The following PPARGC1A variants were observed in gnomAD, a reference collection of about 807,000 sequenced individuals.
The protein encoded by PPARGC1A is PPARG coactivator 1 alpha.
A neutral mutation model predicts 88.7 loss-of-function variants in PPARGC1A; 25 were observed. The observed-to-expected ratio is 0.28, with a 90% confidence interval of 0.21 to 0.39. The LOEUF (loss-of-function observed/expected upper bound fraction) is 0.39, where lower values mean the gene tolerates loss of function less well. PPARGC1A is among the 10% of genes least tolerant of loss of function. The pLI, the probability that PPARGC1A is intolerant of heterozygous loss-of-function variation, is 1.00. For missense variants in PPARGC1A, 880 were observed against 968.7 expected (o/e 0.91, Z 1.22); for synonymous variants, 363 against 355.6 (o/e 1.02, Z -0.24).
At chr4:23,941,178 C>T in the PPARGC1A span, among the ~76,000 whole-genome samples, 6 of 152,246 alleles carry the variant, frequency 3.9e-5, no homozygotes, top group African/African-American at 1.4e-4. Flanking sequence ...TAGCCTCCCA[C>T]GTAGCTAGGC....
At chr4:24,025,287 T>C in the PPARGC1A span, among the ~76,000 whole-genome samples, 1 of 152,180 alleles carries the variant, frequency 6.6e-6, no homozygotes, top group African/African-American at 2.4e-5. Context: ...CTCTGTGTAC[T>C]TTATTAACAC....
chr4:24,048,406 T>C, the PPARGC1A span, among the ~76,000 whole-genome samples: 4 of 152,200 alleles, frequency 2.6e-5, no homozygotes, highest in Non-Finnish European at 5.9e-5. Context: ...TACTTCTCTT[T>C]CTCATTTTTG....
the PPARGC1A span, among the ~76,000 whole-genome samples, chr4:24,154,042 A>G: frequency 6.6e-5 from 10 of 152,344 alleles, no homozygotes; most frequent in East Asian, 1.9e-3. Context: ...AAAGGAACTC[A>G]CAAACCCAAA....
At chr4:24,329,060 A>G in the PPARGC1A span, among the ~76,000 whole-genome samples, 1 of 152,106 alleles carries the variant, frequency 6.6e-6, no homozygotes, top group African/African-American at 2.4e-5. Context: ...GGAGCAATCT[A>G]GAGATTTCCT....
At chr4:24,325,218 G>A in the PPARGC1A span, among the ~76,000 whole-genome samples, 1 of 151,990 alleles carries the variant, frequency 6.6e-6, no homozygotes, top group African/African-American at 2.4e-5. Context: ...AGGTCAAAAG[G>A]CCATCTTATT....
the PPARGC1A span, among the ~76,000 whole-genome samples, chr4:24,350,563 A>C: frequency 1.3e-5 from 2 of 152,188 alleles, no homozygotes; most frequent in Admixed American, 6.5e-5. Flanking sequence ...TGAACGCATA[A>C]AACTGTGTGA....
the PPARGC1A span, among the ~76,000 whole-genome samples, chr4:24,323,476 T>A: frequency 6.6e-6 from 1 of 152,094 alleles, no homozygotes; most frequent in Non-Finnish European, 1.5e-5. Flanking sequence ...TGAGTTTCCT[T>A]CTCCTGGCTC....
At chr4:24,328,256 C>T in the PPARGC1A span, among the ~76,000 whole-genome samples, 1 of 145,486 alleles carries the variant, frequency 6.9e-6, no homozygotes, top group Non-Finnish European at 1.5e-5. Context: ...TAGCAGCCCC[C>T]CCCCCAATCA....
At chr4:24,268,409 T>G in the PPARGC1A span, among the ~76,000 whole-genome samples, 1 of 152,178 alleles carries the variant, frequency 6.6e-6, no homozygotes, top group African/African-American at 2.4e-5. Context: ...TGCAAATGCA[T>G]GTTGCTGGTC....
the PPARGC1A span, among the ~76,000 whole-genome samples, chr4:24,328,774 G>A: frequency 6.6e-6 from 1 of 152,142 alleles, no homozygotes; most frequent in Non-Finnish European, 1.5e-5. Context: ...GCTTTAAACG[G>A]TCTGATTCTT....
chr4:24,159,177 A>G, the PPARGC1A span, among the ~76,000 whole-genome samples: 2 of 151,532 alleles, frequency 1.3e-5, no homozygotes, highest in Admixed American at 1.3e-4. Flanking sequence ...TATTTTATAC[A>G]TAAGAAACTA....
the PPARGC1A span, among the ~76,000 whole-genome samples, chr4:24,217,892 A>T: frequency 6.6e-6 from 1 of 152,290 alleles, no homozygotes; most frequent in East Asian, 1.9e-4. Context: ...ATAGCCAGTG[A>T]TTCCCCCCGA....
the PPARGC1A span, among the ~76,000 whole-genome samples, chr4:24,410,179 A>AAATATCTAATTAATAAAATATCT: frequency 1.1e-4 from 17 of 152,248 alleles, no homozygotes; most frequent in African/African-American, 3.9e-4. Context: ...ATAATTAATA[A>AAATATCTAATTAATAAAATATCT]AATAATCTAA....
the PPARGC1A span, among the ~76,000 whole-genome samples, chr4:24,235,622 A>G: frequency 6.6e-6 from 1 of 152,378 alleles, no homozygotes; most frequent in Admixed American, 6.5e-5. Context: ...TTTGGACCAG[A>G]GCCACCAAAT....
Position 23,792,491 on chromosome 4 carries a change from G to A in PPARGC1A, c.*3331C>T, listed in dbSNP as rs912375997. On this transcript the variant is annotated 3_prime_UTR_variant, in exon 13 of 13. Transcript: ENST00000264867. ...CTGACCCAAACATCATACCCCAATA[G>A]TGCAAAGTTCCCTCTCTGCTGCTTT... 2.0e-5 allele frequency: 3 copies of A among 151,760 alleles called. No homozygotes were observed. The highest frequency in any genetic ancestry group is 2.9e-5 in the Non-Finnish European group (2 of 67,952). The allele number at this position is 151,760 out of a possible 1,614,324, so 9.4% of individuals were successfully genotyped here.
At chr4:24,117,068 A>G in the PPARGC1A span, among the ~76,000 whole-genome samples, 1 of 152,182 alleles carries the variant, frequency 6.6e-6, no homozygotes, top group Non-Finnish European at 1.5e-5. Context: ...AATCACAGAA[A>G]ATACATATAT....
chr4:24,389,762 G>A, the PPARGC1A span, among the ~76,000 whole-genome samples: 1 of 152,122 alleles, frequency 6.6e-6, no homozygotes, highest in Non-Finnish European at 1.5e-5. Flanking sequence ...CTACAACTCT[G>A]TGAGACAGAG....
the PPARGC1A span, among the ~76,000 whole-genome samples, chr4:24,327,761 G>C: frequency 2.0e-5 from 3 of 151,972 alleles, no homozygotes; most frequent in East Asian, 5.8e-4. Context: ...AAAAATTTTT[G>C]CCGCCCCAAC....
the PPARGC1A span, among the ~76,000 whole-genome samples, chr4:24,192,374 G>GA: frequency 6.6e-6 from 1 of 152,218 alleles, no homozygotes; most frequent in Admixed American, 6.5e-5. Context: ...TAAACAGCTG[G>GA]AAAAAATGTA....
Sources: allele counts gnomAD v4.1 joint callset (sites outside exome capture counted in the v4.1 genomes callset), GRCh38; gene constraint gnomAD v4.1.1; transcripts MANE v1.5; gene names NCBI Gene and HGNC (gene_info 2026-07-23, HGNC 2026-07-21).